Variants in MAN2B1 observed in about 807,000 individuals in gnomAD.
MAN2B1 encodes lysosomal alpha-mannosidase.
In MAN2B1, 99 loss-of-function variants were observed where a neutral mutation model predicts 127.5. The observed-to-expected ratio is 0.78, with a 90% CI of 0.66 to 0.92. The LOEUF is 0.92. Ranked by LOEUF, MAN2B1 falls within the 40% of genes least tolerant of loss-of-function variation. The probability of loss-of-function intolerance (pLI) is 0.00; values close to 1 mark genes in which losing one functional copy is unlikely to be tolerated. For synonymous variants in MAN2B1, 573 were observed against 568.8 expected, an observed-to-expected ratio of 1.01 and a Z score of -0.11; for missense variants, 1,304 against 1,384.8, an observed-to-expected ratio of 0.94 and a Z score of 0.93.
In MAN2B1 at chr19:12,647,347, G is replaced by T; in HGVS notation, c.2821-12C>A. ...GTGGAGAACAGGTCCTGCGGGGAAG[G>T]GGATGGGCCCAGATGAGTTGGGGCA... On this transcript the variant is annotated splice_polypyrimidine_tract_variant and intron_variant, in intron 22 of 23. Transcript: ENST00000456935. The surrounding 1 kb of genome is among the most constrained non-coding windows in gnomAD (Gnocchi z 4.9). The T allele has an allele frequency of 6.2e-7, 1 of 1,613,364 alleles. No homozygotes were observed. Among genetic ancestry groups the T allele is most frequent in the Non-Finnish European group, 8.5e-7 (1 of 1,179,302 alleles).
At chr19:12,652,739 C>T (rs1250266981) in intron 14 of MAN2B1, among the ~76,000 whole-genome samples, 1 of 151,898 alleles carries the variant, frequency 6.6e-6, no homozygotes, top group Non-Finnish European at 1.5e-5. Context: ...ACCATGTTGG[C>T]CAGGCTGGTC....
chr19:12,666,712 C>T lies in MAN2B1; in HGVS notation c.-11G>A. ...CGCGTAGGCGCCCATGGCTCAGCAG[C>T]TTCCTCCTGGGGTTCCCCGGCCCTG... is the stretch of plus-strand genomic sequence containing the variant. On this transcript the variant is annotated 5_prime_UTR_variant, in exon 1 of 24. Transcript: ENST00000456935. 6.5e-7 allele frequency: 1 copy of T among 1,547,664 alleles called. No individual in the cohort carries two copies. The highest frequency in any genetic ancestry group is 8.7e-7 in the Non-Finnish European group (1 of 1,146,394).
Position 12,646,591 on chromosome 19 carries a change from T to G in MAN2B1, c.*29A>C. 1.3e-6 allele frequency: 2 copies of G among 1,538,118 alleles called. No homozygotes were observed. Among genetic ancestry groups the G allele is most frequent in the Non-Finnish European group, 1.8e-6 (2 of 1,110,724 alleles). ...CTGGTCTGCCCCCGGAGCAGGAGGCTTGGGCTTGGAGGGCCCATCCCAGCA... is the reference window on the plus strand; with the variant it reads ...CTGGTCTGCCCCCGGAGCAGGAGGCGTGGGCTTGGAGGGCCCATCCCAGCA... On this transcript the variant is annotated 3_prime_UTR_variant, in exon 24 of 24. Transcript: ENST00000456935.
intron 11 of MAN2B1, 169 bp from the exon 12 acceptor site, chr19:12,657,225 C>A: frequency 1.4e-6 from 1 of 709,340 alleles, no homozygotes; most frequent in Non-Finnish European, 2.5e-6. Context: ...TAGCTGTCTC[C>A]GCCTCCTCTT....
chr19:12,665,882 G>T, intron 1 of MAN2B1, 77 bp from the exon 2 acceptor site: 1 of 1,155,276 alleles, frequency 8.7e-7, no homozygotes, highest in Non-Finnish European at 1.3e-6. Flanking sequence ...TCTTGATCTA[G>T]AGGTGAGTGA....
intron 18 of MAN2B1, 56 bp from the exon 19 acceptor site, chr19:12,649,484 T>A: frequency 1.2e-6 from 1 of 852,850 alleles, no homozygotes; most frequent in Non-Finnish European, 1.8e-6. Flanking sequence ...ACTCTTTTTT[T>A]TTTTTTTTTT....
At chr19:12,664,669 T>A in intron 4 of MAN2B1, 123 bp downstream of exon 4, 1 of 1,066,066 alleles carries the variant, frequency 9.4e-7, no homozygotes, top group East Asian at 2.6e-5. Flanking sequence ...GGGGCAGGGC[T>A]TCAACAGGCC....
rs764543590 is a variant in MAN2B1, at chr19:12,655,771, G to A, written c.1753C>T (p.Arg585Cys). The A allele has an allele frequency of 1.7e-5, 27 of 1,608,634 alleles. No homozygotes were observed. The highest frequency in any genetic ancestry group is 3.3e-4 in the Middle Eastern group (2 of 6,064). ...GGTGCGCGGGCCTGGGGCTTCCAGCGAGGCACCTGGGCTACTGAATAGGTG... is the reference window on the plus strand; with the variant it reads ...GGTGCGCGGGCCTGGGGCTTCCAGCAAGGCACCTGGGCTACTGAATAGGTG... ...FSTYSVAQVP[R>C]WKPQARAPQP... Residue 585 changes from arginine (R) to cysteine (C), a missense_variant, in exon 14 of 24, where the codon CGC becomes TGC. Transcript: ENST00000456935.
chr19:12,652,614 C>A (rs1398672886), intron 14 of MAN2B1, among the ~76,000 whole-genome samples, 154 bp from the exon 15 acceptor site: 103 of 151,478 alleles, frequency 6.8e-4, no homozygotes, highest in Non-Finnish European at 1.0e-3. Context: ...TCACTGCACC[C>A]CCCACCTCCC....
rs1369855900 is a variant in MAN2B1 at position 12,666,690 on chromosome 19, G to C, written c.12C>G (p.Tyr4Ter). The C allele has an allele frequency of 6.5e-7, 1 of 1,549,968 alleles. No individual in the cohort carries two copies. The highest frequency in any genetic ancestry group is 1.2e-5 in the South Asian group (1 of 84,152). ...GAGCGCAGACCCCCGAAGCCCGCGC[G>C]TAGGCGCCCATGGCTCAGCAGCTTC... MGA[Y>*]ARASGVCARG... Residue 4 changes from tyrosine to a stop codon, truncating the protein, a stop_gained, in exon 1 of 24, where the codon TAC becomes TAG. Transcript: ENST00000456935. LOFTEE classifies it high-confidence loss of function.
At position 12,658,096 on chromosome 19, in the gene MAN2B1, CCA is replaced by C; in HGVS notation, c.1274_1275del (p.Val425GlyfsTer13). 1.2e-6 allele frequency: 2 copies of C among 1,613,398 alleles called. No homozygotes were observed. Among genetic ancestry groups the C allele is most frequent in the Non-Finnish European group, 1.7e-6 (2 of 1,179,990 alleles). ...LEALVGLAAN[V>X]GPYGSGDSAP... ...GCACTGTCTCCGGAGCCATAGGGTC[CCA>C]CGTTGGCCGCCAGGCCCACCAGCGC... is the stretch of plus-strand genomic sequence containing the variant. On this transcript the variant is annotated frameshift_variant, in exon 10 of 24. Coordinates refer to ENST00000456935, the MANE Select transcript of MAN2B1 (RefSeq NM_000528.4). LOFTEE classifies it high-confidence loss of function.
intron 6 of MAN2B1, 31 bp downstream of exon 6, chr19:12,663,286 C>T (rs776303664): frequency 7.4e-6 from 12 of 1,613,506 alleles, no homozygotes; most frequent in South Asian, 2.2e-5. Context: ...TTGTATATAC[C>T]GGACTCGAAG....
In MAN2B1 at chr19:12,648,351, T is replaced by A. The variant is rs757416569; in HGVS notation, c.2488A>T (p.Met830Leu). 3 of 1,613,576 alleles carry A rather than the reference T, an allele frequency of 1.9e-6. No individual in the cohort carries two copies. Among genetic ancestry groups the A allele is most frequent in the Non-Finnish European group, 2.5e-6 (3 of 1,179,850 alleles). The change falls in exon 21 of 24, where the codon ATG (methionine) becomes TTG (leucine). Residue 830 changes from methionine to leucine, a missense_variant. Coordinates refer to ENST00000456935, the MANE Select transcript of MAN2B1 (RefSeq NM_000528.4). ...ACCCACGCCCCCGACCCGTTCTCCA[T>A]TAGTGGCTCCGATACTCCGCGTCCA... The part of the protein sequence containing the change: ...DDGRGVSEPL[M>L]ENGSGAWVRG...
At chr19:12,661,891 C>T (rs1353254671) in intron 6 of MAN2B1, among the ~76,000 whole-genome samples, 3 of 151,810 alleles carry the variant, frequency 2.0e-5, no homozygotes, top group Non-Finnish European at 4.4e-5. Flanking sequence ...GCTGCCCAAG[C>T]TAGAGTGAAG....
intron 11 of MAN2B1, 26 bp downstream of exon 11, chr19:12,657,418 CGT>C: frequency 6.5e-7 from 1 of 1,537,646 alleles, no homozygotes; most frequent in Non-Finnish European, 8.8e-7. Context: ...TCTCCACCCC[CGT>C]GTCTCCCAAG....
At chr19:12,661,455 G>T (rs1213437306) in intron 6 of MAN2B1, 79 bp from the exon 7 acceptor site, 3 of 942,340 alleles carry the variant, frequency 3.2e-6, no homozygotes, top group African/African-American at 3.3e-5. Flanking sequence ...TGTATATGGG[G>T]TCAAGGATGT....
intron 20 of MAN2B1, 52 bp from the exon 21 acceptor site, chr19:12,648,454 C>T: frequency 1.4e-6 from 2 of 1,383,782 alleles, no homozygotes; most frequent in East Asian, 4.7e-5. Context: ...TGTGGGTGTC[C>T]TTGGGCCAGA....
chr19:12,656,460 T>A, intron 13 of MAN2B1, 111 bp downstream of exon 13: 1 of 756,982 alleles, frequency 1.3e-6, no homozygotes, highest in South Asian at 1.5e-5. Context: ...GGGGAAGAGA[T>A]ATGCATGAGT....
chr19:12,652,336 C>T (rs745366615), intron 15 of MAN2B1, 27 bp downstream of exon 15: 2 of 1,610,100 alleles, frequency 1.2e-6, no homozygotes, highest in South Asian at 1.1e-5. Context: ...CACCACCCCA[C>T]CCTCAGGCCT....
Sources: allele counts gnomAD v4.1 joint callset (sites outside exome capture counted in the v4.1 genomes callset), GRCh38; gene constraint gnomAD v4.1.1; non-coding constraint Gnocchi (gnomAD v3.1); transcripts MANE v1.5; gene names NCBI Gene and HGNC (gene_info 2026-07-23, HGNC 2026-07-21).